Variants in FRMPD1 observed in about 807,000 individuals in gnomAD.
The protein encoded by FRMPD1 is FERM and PDZ domain containing 1, also known as FERM and PDZ domain-containing protein 1.
A neutral mutation model predicts 117.8 loss-of-function variants in FRMPD1; 76 were observed. The ratio of observed to expected loss-of-function variants is 0.65; its 90% CI spans 0.54 to 0.78. FRMPD1 has a LOEUF of 0.78. Ranked by LOEUF, FRMPD1 falls within the 30% of genes least tolerant of loss-of-function variation. The pLI is 0.00. For synonymous variants in FRMPD1, 783 were observed against 770.4 expected, an observed-to-expected ratio of 1.02 and a Z score of -0.27; for missense variants, 1,786 against 1,964.5, an observed-to-expected ratio of 0.91 and a Z score of 1.72.
intron 7 of FRMPD1, among the ~76,000 whole-genome samples, chr9:37,728,849 G>T (rs1823729870): frequency 6.6e-6 from 1 of 151,868 alleles, no homozygotes; most frequent in Admixed American, 6.6e-5. Flanking sequence ...TGTAATCCCA[G>T]CTACTTGGGA....
At chr9:37,648,591 G>A (rs79297992), upstream of FRMPD1, among the ~76,000 whole-genome samples, 6,874 of 152,202 alleles carry the variant, frequency 0.045, 531 homozygotes, top group African/African-American at 0.16. Context: ...AAGCAAGGGC[G>A]GCAGGATGAG....
intron 10 of FRMPD1, among the ~76,000 whole-genome samples, chr9:37,732,997 G>T (rs1823957650): frequency 6.6e-6 from 1 of 152,106 alleles, no homozygotes; most frequent in African/African-American, 2.4e-5. Context: ...TACCCCTGAT[G>T]TACTAAGTCC....
the FRMPD1 span, among the ~76,000 whole-genome samples, chr9:37,620,485 T>C: frequency 6.6e-6 from 1 of 151,606 alleles, no homozygotes; most frequent in Non-Finnish European, 1.5e-5. Context: ...GAGAAGGCCC[T>C]AAGTAAATGG....
At chr9:37,681,677 T>C (rs1821736022) in intron 1 of FRMPD1, among the ~76,000 whole-genome samples, 1 of 152,250 alleles carries the variant, frequency 6.6e-6, no homozygotes, top group Admixed American at 6.5e-5. Context: ...TCCATAGTTA[T>C]AGCTGCTTAT....
chr9:37,636,672 C>T, the FRMPD1 span: 1 of 1,517,608 alleles, frequency 6.6e-7, no homozygotes, highest in South Asian at 1.3e-5. Context: ...CCTCCTGTCC[C>T]ACTCCAGTGC....
chr9:37,706,621 T>G (rs1368670692), intron 2 of FRMPD1, among the ~76,000 whole-genome samples: 1 of 152,208 alleles, frequency 6.6e-6, no homozygotes, highest in Non-Finnish European at 1.5e-5. Flanking sequence ...CTTTGAGAGA[T>G]AGAAAATATT....
chr9:37,689,617 A>G (rs923480094), intron 1 of FRMPD1, among the ~76,000 whole-genome samples: 2 of 152,130 alleles, frequency 1.3e-5, no homozygotes, highest in African/African-American at 2.4e-5. Context: ...CCTCTTATCT[A>G]TATTCCATTC....
intron 1 of FRMPD1, among the ~76,000 whole-genome samples, chr9:37,683,231 C>G (rs1821791710): frequency 6.6e-6 from 1 of 152,216 alleles, no homozygotes; most frequent in South Asian, 2.1e-4. Context: ...GGACCTCATT[C>G]CTTTTTGTGG....
the FRMPD1 span, among the ~76,000 whole-genome samples, chr9:37,634,184 C>G: frequency 6.6e-6 from 1 of 152,186 alleles, no homozygotes. Context: ...CTTATACTGT[C>G]TCCCCACTTC....
the FRMPD1 span, among the ~76,000 whole-genome samples, chr9:37,618,563 C>T: frequency 1.3e-5 from 2 of 152,078 alleles, no homozygotes; most frequent in South Asian, 2.1e-4. Context: ...TGGGAAATAG[C>T]CTACATATTA....
At chr9:37,604,602 T>C in the FRMPD1 span, among the ~76,000 whole-genome samples, 14 of 152,180 alleles carry the variant, frequency 9.2e-5, no homozygotes, top group African/African-American at 3.4e-4. Context: ...CTTAGAAAAA[T>C]AGTTATGTAA....
the FRMPD1 span, among the ~76,000 whole-genome samples, chr9:37,629,391 G>A: frequency 7.9e-5 from 12 of 152,318 alleles, no homozygotes; most frequent in Middle Eastern, 3.4e-3. Flanking sequence ...GCAGATGTTG[G>A]TGCTGGAGGC....
the FRMPD1 span, among the ~76,000 whole-genome samples, chr9:37,637,970 TTCTTTC>T: frequency 2.1e-3 from 180 of 83,760 alleles, 12 homozygotes; most frequent in African/African-American, 4.2e-3. Flanking sequence ...TATGCTTTCT[TTCTTTC>T]TTTCTTTCTT....
intron 5 of FRMPD1, among the ~76,000 whole-genome samples, chr9:37,712,231 A>C (rs1822933437): frequency 6.6e-6 from 1 of 152,254 alleles, no homozygotes; most frequent in African/African-American, 2.4e-5. Context: ...TTAAAAATTC[A>C]ATTAAAAACC....
At chr9:37,658,618 C>A (rs887862091) in intron 1 of FRMPD1, among the ~76,000 whole-genome samples, 1 of 152,140 alleles carries the variant, frequency 6.6e-6, no homozygotes, top group Non-Finnish European at 1.5e-5. Flanking sequence ...CTGGTGCCCA[C>A]TGGCATTTCT....
Position 37,733,743 on chromosome 9 carries a change from CT to C in FRMPD1, c.1137del (p.Ala380ProfsTer5), listed in dbSNP as rs1488214694. ...LEPRQKQLIS[A>X]AQLRLNYLQI... ...TTCTCTATTAAGCAACTTATTTCTG[CT>C]GCCCAGCTACGTTTAAATTATCTAC... On this transcript the variant is annotated frameshift_variant, in exon 12 of 16. Transcript: ENST00000377765. LOFTEE classifies it high-confidence loss of function. The C allele has an allele frequency of 6.2e-7, 1 of 1,604,622 alleles. No homozygotes were observed. The highest frequency in any genetic ancestry group is 1.1e-5 in the South Asian group (1 of 90,880).
chr9:37,653,706 G>C (rs1820751332), intron 1 of FRMPD1, among the ~76,000 whole-genome samples: 2 of 152,128 alleles, frequency 1.3e-5, no homozygotes, highest in South Asian at 4.1e-4. Flanking sequence ...AGCTGGGAGC[G>C]GGGTACTGGC....
chr9:37,622,877 T>C, the FRMPD1 span, among the ~76,000 whole-genome samples: 3 of 151,806 alleles, frequency 2.0e-5, no homozygotes, highest in Non-Finnish European at 4.4e-5. Context: ...AGAAACCTCT[T>C]CCAGGCCCTT....
chr9:37,705,753 A>C (rs1296352409), intron 2 of FRMPD1, among the ~76,000 whole-genome samples: 1 of 152,044 alleles, frequency 6.6e-6, no homozygotes, highest in African/African-American at 2.4e-5. Context: ...TGAGAGGCAG[A>C]TCACTTGAGC....
Sources: gnomAD v4.1 joint callset for allele counts (sites outside exome capture counted in the v4.1 genomes callset) on GRCh38, gnomAD v4.1.1 for gene constraint, MANE v1.5 for transcripts, NCBI Gene and HGNC (gene_info 2026-07-23, HGNC 2026-07-21) for gene names.